MSRB2: variants seen among roughly 807,000 people sequenced by gnomAD.
MSRB2 encodes methionine-R-sulfoxide reductase B2, mitochondrial.
Under a neutral mutation model 19.0 loss-of-function variants are expected in MSRB2, and 17 were observed. The observed-to-expected ratio is 0.89, with a 90% CI of 0.61 to 1.34. The LOEUF is 1.34. MSRB2 is among the 40% of genes most tolerant of loss of function. The probability of loss-of-function intolerance (pLI) is 0.00; values close to 1 mark genes in which losing one functional copy is unlikely to be tolerated. For synonymous variants in MSRB2, 107 were observed against 99.7 expected (o/e 1.07, Z -0.44); for missense variants, 208 against 237.6 (o/e 0.88, Z 0.82).
At chr10:23,120,625 T>A in intron 4 of MSRB2, 133 bp from the exon 5 acceptor site, 2 of 551,956 alleles carry the variant, frequency 3.6e-6, no homozygotes, top group Non-Finnish European at 6.4e-6. Flanking sequence ...TGAATTCGGA[T>A]GCAATAGACT....
chr10:23,116,549 AG>A (rs1476895135), intron 3 of MSRB2, among the ~76,000 whole-genome samples: 1 of 152,216 alleles, frequency 6.6e-6, no homozygotes, highest in Non-Finnish European at 1.5e-5. Flanking sequence ...ATACATCAAA[AG>A]GTCTTTCAGG....
intron 4 of MSRB2, among the ~76,000 whole-genome samples, chr10:23,120,523 G>A (rs558093254): frequency 2.6e-5 from 4 of 152,326 alleles, no homozygotes; most frequent in East Asian, 1.9e-4. Flanking sequence ...ATGAGTAACT[G>A]TAAAGGCCCA....
chr10:23,115,889 C>G (rs576731316), intron 3 of MSRB2, among the ~76,000 whole-genome samples: 2 of 152,110 alleles, frequency 1.3e-5, no homozygotes, highest in Non-Finnish European at 2.9e-5. Context: ...AATTCTCAAT[C>G]AAAATACCTT....
chr10:23,104,624 C>G (rs1264441871), intron 2 of MSRB2, among the ~76,000 whole-genome samples: 1 of 152,190 alleles, frequency 6.6e-6, no homozygotes, highest in Non-Finnish European at 1.5e-5. Flanking sequence ...CACTCCCCAG[C>G]TCAAAACCTT....
At chr10:23,097,377 T>A (rs1166250710) in intron 1 of MSRB2, among the ~76,000 whole-genome samples, 1 of 152,228 alleles carries the variant, frequency 6.6e-6, no homozygotes, top group Admixed American at 6.5e-5. Flanking sequence ...TTCTGGAGGC[T>A]GGGAAGTCCA....
intron 3 of MSRB2, among the ~76,000 whole-genome samples, chr10:23,114,749 A>C (rs1159970192): frequency 6.6e-6 from 1 of 152,178 alleles, no homozygotes; most frequent in African/African-American, 2.4e-5. Context: ...TCACGTGAGG[A>C]AACTGAGAGC....
intron 2 of MSRB2, among the ~76,000 whole-genome samples, chr10:23,106,012 A>G (rs1243224300): frequency 6.6e-5 from 10 of 152,192 alleles, no homozygotes; most frequent in African/African-American, 2.4e-4. Flanking sequence ...TTCTAAGCCA[A>G]CCCTAATTCT....
chr10:23,108,838 C>T (rs367644552), intron 2 of MSRB2, among the ~76,000 whole-genome samples: 8 of 152,070 alleles, frequency 5.3e-5, no homozygotes, highest in South Asian at 4.1e-4. Flanking sequence ...TTGAGGGGAC[C>T]GGCCATAAAG....
intron 3 of MSRB2, 71 bp from the exon 4 acceptor site, chr10:23,119,233 C>A: frequency 2.5e-6 from 4 of 1,569,148 alleles, no homozygotes; most frequent in South Asian, 1.1e-5. Context: ...TGGAACAACA[C>A]ATCGGGGCAC....
At chr10:23,107,160 T>G (rs1384432920) in intron 2 of MSRB2, among the ~76,000 whole-genome samples, 1 of 152,266 alleles carries the variant, frequency 6.6e-6, no homozygotes, top group Non-Finnish European at 1.5e-5. Context: ...TGGTGGCATC[T>G]TGCCCCATTC....
rs144653384 is a variant in MSRB2, at chr10:23,096,352, C to CTCTCTCTGTGTG, written c.118+627_118+628insCTCTCTGTGTGT. On this transcript the variant is annotated intron_variant, in intron 1 of 4. Transcript: ENST00000376510. ...TGTGTGTGTGTGTCTCTCTCTCTCT[C>CTCTCTCTGTGTG]TGTGTGTGTGTGTGTGTGTGTTTCT... Among the ~76,000 whole-genome samples, 5 of 142,832 alleles carry CTCTCTCTGTGTG rather than the reference C, an allele frequency of 3.5e-5. No homozygotes were observed. In the South Asian group the frequency reaches 8.9e-4, roughly 25 times the overall value. The allele number at this position is 142,832 out of a possible 152,430, so 93.7% of individuals were successfully genotyped here.
intron 1 of MSRB2, 132 bp downstream of exon 1, chr10:23,095,858 T>C (rs944331229): frequency 5.8e-4 from 230 of 394,978 alleles, no homozygotes; most frequent in African/African-American, 3.9e-3. Flanking sequence ...GGCGCGCCCC[T>C]CCCCCCCCCC....
intron 1 of MSRB2, among the ~76,000 whole-genome samples, chr10:23,102,125 C>T (rs1275786251): frequency 6.6e-6 from 1 of 152,110 alleles, no homozygotes; most frequent in African/African-American, 2.4e-5. Context: ...GTGCTCTTCC[C>T]CATCTCTCTC....
intron 3 of MSRB2, among the ~76,000 whole-genome samples, chr10:23,116,828 G>A (rs962076436): frequency 6.6e-6 from 1 of 152,112 alleles, no homozygotes; most frequent in Non-Finnish European, 1.5e-5. Context: ...TTAAGTGTAG[G>A]GGTGCATGAC....
intron 1 of MSRB2, among the ~76,000 whole-genome samples, chr10:23,098,313 G>A (rs139357408): frequency 2.6e-4 from 39 of 152,288 alleles, no homozygotes; most frequent in African/African-American, 9.1e-4. Flanking sequence ...GAGGCACCCA[G>A]TAGGTGACCA....
chr10:23,119,603 T>A, intron 4 of MSRB2, 152 bp downstream of exon 4: 1 of 920,484 alleles, frequency 1.1e-6, no homozygotes, highest in Non-Finnish European at 1.6e-6. Context: ...TGCTTTGTTT[T>A]GTTTTGTTTT....
chr10:23,105,232 G>T (rs1316844894), intron 2 of MSRB2, among the ~76,000 whole-genome samples: 1 of 151,948 alleles, frequency 6.6e-6, no homozygotes, highest in Non-Finnish European at 1.5e-5. Flanking sequence ...GTGTGTGTGT[G>T]TGTGTGTGTG....
At chr10:23,096,287 C>T (rs1276722468) in intron 1 of MSRB2, among the ~76,000 whole-genome samples, 2 of 151,552 alleles carry the variant, frequency 1.3e-5, no homozygotes, top group Admixed American at 6.6e-5. Context: ...TTTAAGGTGA[C>T]AGCCATTGTT....
intron 3 of MSRB2, chr10:23,118,984 C>G: frequency 2.1e-6 from 1 of 484,364 alleles, no homozygotes; most frequent in Non-Finnish European, 4.1e-6. Flanking sequence ...ATTTTCAACA[C>G]ATGGGTTTGA....
Sources: gnomAD v4.1 joint callset for allele counts (sites outside exome capture counted in the v4.1 genomes callset) on GRCh38, gnomAD v4.1.1 for gene constraint, MANE v1.5 for transcripts, NCBI Gene and HGNC (gene_info 2026-07-23, HGNC 2026-07-21) for gene names.